Variants in AZI2 observed in about 807,000 individuals in gnomAD.
The protein encoded by AZI2 is 5-azacytidine-induced protein 2.
Under a neutral mutation model 45.8 loss-of-function variants are expected in AZI2, and 22 were observed. That is an observed-to-expected ratio of 0.48 (90% CI 0.34 to 0.69). AZI2 has a LOEUF of 0.69. AZI2 is among the 30% of genes least tolerant of loss of function. The probability of loss-of-function intolerance (pLI) is 0.01; values close to 1 mark genes in which losing one functional copy is unlikely to be tolerated. For missense variants in AZI2, 417 were observed against 441.5 expected (o/e 0.94, Z 0.50); for synonymous variants, 137 against 156.7 (o/e 0.87, Z 0.94).
chr3:28,332,222 T>C, intron 6 of AZI2, 147 bp downstream of exon 6: 1 of 672,040 alleles, frequency 1.5e-6, no homozygotes, highest in Non-Finnish European at 2.5e-6. Flanking sequence ...ATTCTACAAA[T>C]TTATTGTGAT....
chr3:28,336,615 AG>A, intron 5 of AZI2, 121 bp downstream of exon 5: 1 of 1,107,716 alleles, frequency 9.0e-7, no homozygotes, highest in South Asian at 2.0e-5. Flanking sequence ...TTTAAGGAAT[AG>A]AACATTCTCT....
In AZI2 at chr3:28,331,844, A is replaced by G. The variant is rs1026679214; in HGVS notation, c.647+525T>C. The G allele has an allele frequency of 8.4e-6, 13 of 1,545,712 alleles. No individual in the cohort carries two copies. In the African/African-American group the frequency reaches 1.5e-4, roughly 18 times the overall value. On this transcript the variant is annotated intron_variant, in intron 6 of 7. Coordinates refer to ENST00000479665, the MANE Select transcript of AZI2 (RefSeq NM_022461.5). ...TGAGGAAAAAGGGTTGAAAAAGTAT[A>G]TGAACTCTGATGGCTACTTCTATTC...
intron 2 of AZI2, 73 bp downstream of exon 2, chr3:28,340,329 G>A: frequency 9.7e-7 from 1 of 1,031,858 alleles, no homozygotes; most frequent in Non-Finnish European, 1.4e-6. Context: ...AGGACAAAAA[G>A]TATTCAAAAT....
chr3:28,323,605 A>G lies in AZI2; in HGVS notation c.*437T>C, dbSNP rs1026709416. On this transcript the variant is annotated 3_prime_UTR_variant, in exon 8 of 8. Coordinates refer to ENST00000479665, the MANE Select transcript of AZI2 (RefSeq NM_022461.5). ...ATCTTTACGCATTATAACAACAGAA[A>G]TGTAACCTACTCACATTGCCATTTG... The G allele has an allele frequency of 6.5e-6, 1 of 153,154 alleles. No homozygotes were observed. Among genetic ancestry groups the G allele is most frequent in the East Asian group, 1.9e-4 (1 of 5,202 alleles). The allele number at this position is 153,154 out of a possible 1,614,324, so 9.5% of individuals were successfully genotyped here.
intron 5 of AZI2, among the ~76,000 whole-genome samples, chr3:28,334,711 A>G (rs561595287): frequency 6.6e-6 from 1 of 152,104 alleles, no homozygotes; most frequent in South Asian, 2.1e-4. Flanking sequence ...TTTAAACTAA[A>G]AGCAAATTTA....
chr3:28,321,860 TTTG>T lies in AZI2; in HGVS notation c.*2179_*2181del, dbSNP rs1412578220. 1 of 151,402 alleles carries T rather than the reference TTTG, an allele frequency of 6.6e-6. No homozygotes were observed. Among genetic ancestry groups the T allele is most frequent in the Non-Finnish European group, 1.5e-5 (1 of 67,544 alleles). 9.4% of individuals were successfully genotyped at this position (151,402 alleles called of 1,614,324 possible). ...AGCAAGAGGAAGGAATAGGTGGCTT[TTTG>T]TTATGTTTTCTTCATTCTGTCGATT... is the stretch of plus-strand genomic sequence containing the variant. On this transcript the variant is annotated 3_prime_UTR_variant, in exon 8 of 8. Transcript: ENST00000479665.
chr3:28,327,695 ATT>A (rs1703434428), intron 6 of AZI2, among the ~76,000 whole-genome samples: 1 of 151,048 alleles, frequency 6.6e-6, no homozygotes. Context: ...ATTTTTATAG[ATT>A]TTGTTTTCCA....
chr3:28,326,970 A>C lies in AZI2; in HGVS notation c.648-20T>G. Reference sequence around the variant, plus strand: ...TTATCACTGAAATAAATTTTTTTACAAAAAGTTAATACTCATCATTCTTTT... The same window carrying C: ...TTATCACTGAAATAAATTTTTTTACCAAAAGTTAATACTCATCATTCTTTT... On this transcript the variant is annotated intron_variant, in intron 6 of 7. Transcript: ENST00000479665. The C allele has an allele frequency of 6.5e-7, 1 of 1,541,148 alleles. No homozygotes were observed. The highest frequency in any genetic ancestry group is 1.4e-5 in the African/African-American group (1 of 72,858).
intron 6 of AZI2, among the ~76,000 whole-genome samples, chr3:28,330,251 C>T (rs1466465668): frequency 6.6e-6 from 1 of 151,070 alleles, no homozygotes; most frequent in African/African-American, 2.4e-5. Flanking sequence ...ATATAAAAGG[C>T]CTCCAGTAAT....
chr3:28,331,996 C>T (rs770375854), intron 6 of AZI2: 3 of 1,263,688 alleles, frequency 2.4e-6, no homozygotes, highest in Admixed American at 2.0e-5. Context: ...TTCATGCTAT[C>T]CCAAAGACTA....
intron 1 of AZI2, among the ~76,000 whole-genome samples, chr3:28,346,272 T>C (rs1382563463): frequency 6.6e-6 from 1 of 152,114 alleles, no homozygotes; most frequent in Non-Finnish European, 1.5e-5. Context: ...CCTCTCTAGA[T>C]CAAAATTTTC....
chr3:28,329,217 T>A (rs557011369), intron 6 of AZI2, among the ~76,000 whole-genome samples: 6 of 151,188 alleles, frequency 4.0e-5, no homozygotes, highest in Non-Finnish European at 8.9e-5. Context: ...ACCTACATTG[T>A]CACACCAACT....
chr3:28,344,729 C>T (rs1409571856), intron 1 of AZI2, among the ~76,000 whole-genome samples: 1 of 152,024 alleles, frequency 6.6e-6, no homozygotes, highest in East Asian at 1.9e-4. Context: ...TAACATTATA[C>T]TGAGTCTTAT....
At position 28,321,805 on chromosome 3, in the gene AZI2, A is replaced by AGAT. The variant is rs1703196602; in HGVS notation, c.*2234_*2236dup. On this transcript the variant is annotated 3_prime_UTR_variant, in exon 8 of 8. Coordinates refer to ENST00000479665, the MANE Select transcript of AZI2 (RefSeq NM_022461.5). ...TTGGCAGCAACTCAGTAAGTCTTAC[A>AGAT]GATGTAAATTTTACTTTAGCTAATA... 1 of 151,402 alleles carries AGAT rather than the reference A, an allele frequency of 6.6e-6. No individual in the cohort carries two copies. Among genetic ancestry groups the AGAT allele is most frequent in the African/African-American group, 2.4e-5 (1 of 41,366 alleles). The allele number at this position is 151,402 out of a possible 1,614,324, so 9.4% of individuals were successfully genotyped here. A position where few individuals can be genotyped will look rare whatever the true frequency, so the allele number is the denominator to read the frequency against.
At chr3:28,340,696 A>G (rs981828367) in intron 1 of AZI2, 74 bp from the exon 2 acceptor site, 14 of 1,140,438 alleles carry the variant, frequency 1.2e-5, no homozygotes, top group Non-Finnish European at 1.7e-5. Context: ...GTTATAGTTA[A>G]GAATAATGTA....
At chr3:28,345,949 A>T (rs949430871) in intron 1 of AZI2, among the ~76,000 whole-genome samples, 4 of 152,124 alleles carry the variant, frequency 2.6e-5, no homozygotes, top group African/African-American at 9.7e-5. Context: ...ACCATATGCC[A>T]GTCACTAGTG....
chr3:28,342,958 CA>C (rs1704082580), intron 1 of AZI2, among the ~76,000 whole-genome samples: 1 of 152,008 alleles, frequency 6.6e-6, no homozygotes, highest in African/African-American at 2.4e-5. Context: ...TCTGCGAAGT[CA>C]AAAACAGATA....
chr3:28,346,133 A>G (rs1704217208), intron 1 of AZI2, among the ~76,000 whole-genome samples: 2 of 152,162 alleles, frequency 1.3e-5, no homozygotes, highest in Non-Finnish European at 2.9e-5. Context: ...AGGCAATACA[A>G]AAGGGATTCT....
In AZI2 at chr3:28,342,970, C is replaced by G. The variant is rs137877544; in HGVS notation, c.-5-2348G>C. On this transcript the variant is annotated intron_variant, in intron 1 of 7. Coordinates refer to ENST00000479665, the MANE Select transcript of AZI2 (RefSeq NM_022461.5). ...TGCTCTGCGAAGTCAAAAACAGATACCCTGCAGTTTGTGTATTTTAAGGAT... is the reference window on the plus strand; with the variant it reads ...TGCTCTGCGAAGTCAAAAACAGATAGCCTGCAGTTTGTGTATTTTAAGGAT... Among the ~76,000 whole-genome samples, 1,064 of 152,144 alleles carry G rather than the reference C, an allele frequency of 7.0e-3. 13 individuals carry two copies. The highest frequency in any genetic ancestry group is 0.024 in the African/African-American group (991 of 41,538).
Sources: gnomAD v4.1 joint callset for allele counts (sites outside exome capture counted in the v4.1 genomes callset) on GRCh38, gnomAD v4.1.1 for gene constraint, MANE v1.5 for transcripts, NCBI Gene and HGNC (gene_info 2026-07-23, HGNC 2026-07-21) for gene names.